The following COA1 variants were observed in gnomAD, a reference collection of about 807,000 sequenced individuals.
The protein encoded by COA1 is cytochrome c oxidase assembly factor 1 homolog.
In COA1, 13 loss-of-function variants were observed where a neutral mutation model predicts 16.0. That is an observed-to-expected ratio of 0.81 (90% confidence interval 0.53 to 1.29). The LOEUF is 1.29. Ranked by LOEUF, COA1 falls within the 50% of genes most tolerant of loss-of-function variation. The pLI, the probability that COA1 is intolerant of heterozygous loss-of-function variation, is 0.00. For synonymous variants in COA1, 65 were observed against 65.7 expected (o/e 0.99, Z 0.05); for missense variants, 179 against 177.0 (o/e 1.01, Z -0.06).
intron 1 of COA1, among the ~76,000 whole-genome samples, chr7:43,726,674 C>T (rs988967124): frequency 1.3e-5 from 2 of 152,192 alleles, no homozygotes; most frequent in African/African-American, 4.8e-5. Context: ...AAAACCATCA[C>T]TCTCTAAACC....
chr7:43,644,740 A>AGATAGATAGATAGATAGATAGATGGATG, intron 4 of COA1, among the ~76,000 whole-genome samples: 1 of 85,718 alleles, frequency 1.2e-5, no homozygotes, highest in East Asian at 2.5e-4. Flanking sequence ...ATAGATAGAT[A>AGATAGATAGATAGATAGATAGATGGATG]GATAGATAGA....
At chr7:43,700,474 T>C (rs1036255515) in intron 1 of COA1, among the ~76,000 whole-genome samples, 1 of 150,816 alleles carries the variant, frequency 6.6e-6, no homozygotes, top group Non-Finnish European at 1.5e-5. Flanking sequence ...TACGTTACCA[T>C]CACAGAAAAA....
intron 5 of COA1, 113 bp downstream of exon 5, chr7:43,640,460 A>G (rs896753178): frequency 1.9e-5 from 16 of 821,388 alleles, no homozygotes; most frequent in Non-Finnish European, 3.2e-5. Flanking sequence ...AGCTTGAAAA[A>G]TAATTCTTCC....
At chr7:43,691,273 G>GAAAAGAAAAGA (rs202059399) in intron 1 of COA1, among the ~76,000 whole-genome samples, 351 of 29,860 alleles carry the variant, frequency 0.012, 8 homozygotes, top group African/African-American at 0.027. Context: ...AGAAAAGAAA[G>GAAAAGAAAAGA]AAAGAAAGAA....
intron 4 of COA1, among the ~76,000 whole-genome samples, chr7:43,644,817 G>GAGAGAC (rs2088706621): frequency 3.2e-5 from 4 of 126,614 alleles, no homozygotes; most frequent in Admixed American, 7.7e-5. Flanking sequence ...GAGAGAGAGA[G>GAGAGAC]AGAGAGAGAG....
chr7:43,610,572 G>A (rs1040923602), intron 6 of COA1, among the ~76,000 whole-genome samples: 11 of 151,616 alleles, frequency 7.3e-5, no homozygotes, highest in Non-Finnish European at 1.6e-4. Flanking sequence ...GAGGCTGAGG[G>A]GGGAGAATCG....
At chr7:43,718,533 C>A (rs963210932) in intron 1 of COA1, among the ~76,000 whole-genome samples, 1 of 152,162 alleles carries the variant, frequency 6.6e-6, no homozygotes, top group Non-Finnish European at 1.5e-5. Context: ...AAATAACATA[C>A]AAATTTCCTG....
chr7:43,695,726 A>G (rs1381567905), intron 1 of COA1, among the ~76,000 whole-genome samples: 1 of 150,844 alleles, frequency 6.6e-6, no homozygotes, highest in South Asian at 2.1e-4. Flanking sequence ...AGTGACCAAC[A>G]TCTGGAACAC....
downstream of COA1, among the ~76,000 whole-genome samples, chr7:43,638,612 G>A (rs948076953): frequency 1.9e-4 from 19 of 99,632 alleles, no homozygotes; most frequent in African/African-American, 6.6e-4. Context: ...TTTTGCTCTT[G>A]TTGCCCAGGC....
At chr7:43,722,560 G>A (rs1276946427) in intron 1 of COA1, among the ~76,000 whole-genome samples, 3 of 152,088 alleles carry the variant, frequency 2.0e-5, no homozygotes, top group Non-Finnish European at 2.9e-5. Flanking sequence ...ATGCCATCAC[G>A]CCCAGCTAAT....
chr7:43,666,937 C>A (rs750701495), intron 1 of COA1, among the ~76,000 whole-genome samples: 3 of 152,132 alleles, frequency 2.0e-5, no homozygotes, highest in Non-Finnish European at 4.4e-5. Flanking sequence ...AAAACCATGG[C>A]AAGCAGGTCT....
At chr7:43,662,151 G>A (rs984488947) in intron 1 of COA1, among the ~76,000 whole-genome samples, 7 of 152,198 alleles carry the variant, frequency 4.6e-5, no homozygotes, top group Non-Finnish European at 1.0e-4. Flanking sequence ...TATCTGAAAA[G>A]GCTATTAACA....
downstream of COA1, among the ~76,000 whole-genome samples, chr7:43,637,054 T>C (rs2085997717): frequency 6.6e-6 from 1 of 152,218 alleles, no homozygotes; most frequent in Non-Finnish European, 1.5e-5. Context: ...CTGGGGCCTT[T>C]CTTCATGTTG....
intron 1 of COA1, among the ~76,000 whole-genome samples, chr7:43,697,992 C>T (rs1292298469): frequency 6.6e-6 from 1 of 152,136 alleles, no homozygotes; most frequent in East Asian, 1.9e-4. Context: ...CGAATCACAG[C>T]AAGAGAAGGA....
At chr7:43,653,466 T>C (rs1054804468) in intron 1 of COA1, among the ~76,000 whole-genome samples, 1 of 152,102 alleles carries the variant, frequency 6.6e-6, no homozygotes, top group Non-Finnish European at 1.5e-5. Context: ...ATGATAAAAG[T>C]TTTTTTAAGT....
At position 43,685,632 on chromosome 7, in the gene COA1, T is replaced by C. The variant is rs3807520; in HGVS notation, c.-38-36980A>G. Among the ~76,000 whole-genome samples the C allele has an allele frequency of 2.4e-4, 37 of 152,324 alleles. No individual in the cohort carries two copies. The East Asian group carries it at 5.6e-3, about 23-fold the overall frequency. On this transcript the variant is annotated intron_variant, in intron 1 of 5. Transcript: ENST00000223336. Reference sequence around the variant, plus strand: ...ATGATTTGGAAAGACTAGAGTAGAATTGAGAGAGCTGGAGAATCAGGCTAT... The same window carrying C: ...ATGATTTGGAAAGACTAGAGTAGAACTGAGAGAGCTGGAGAATCAGGCTAT...
At chr7:43,689,350 A>G (rs905861186) in intron 1 of COA1, among the ~76,000 whole-genome samples, 1 of 152,184 alleles carries the variant, frequency 6.6e-6, no homozygotes, top group African/African-American at 2.4e-5. Flanking sequence ...GACTGACTGT[A>G]ATCTGGTATG....
chr7:43,715,088 G>A (rs1449628056), intron 1 of COA1, among the ~76,000 whole-genome samples: 1 of 142,540 alleles, frequency 7.0e-6, no homozygotes. Flanking sequence ...AAAACTGAAA[G>A]ATAATACTGT....
chr7:43,613,205 A>G (rs1282959212), intron 6 of COA1, among the ~76,000 whole-genome samples: 2 of 152,208 alleles, frequency 1.3e-5, no homozygotes, highest in Non-Finnish European at 2.9e-5. Context: ...CATGGATTCA[A>G]CCAACCACAG....
Sources: allele counts gnomAD v4.1 joint callset (sites outside exome capture counted in the v4.1 genomes callset), GRCh38; gene constraint gnomAD v4.1.1; transcripts MANE v1.5; gene names NCBI Gene and HGNC (gene_info 2026-07-23, HGNC 2026-07-21).